Variants in BRAF observed in about 807,000 individuals in gnomAD.
BRAF encodes the protein B-Raf proto-oncogene, serine/threonine kinase, also known as serine/threonine-protein kinase B-raf.
BRAF carries 16 observed loss-of-function variants against 104.6 expected under a neutral mutation model. That is an observed-to-expected ratio of 0.15 (90% CI 0.10 to 0.23). The LOEUF is 0.23. Among genes scored for constraint, BRAF ranks in the 10% least tolerant of loss-of-function variants. The pLI is 1.00. For missense variants in BRAF, 541 were observed against 937.3 expected (o/e 0.58, Z 5.52); for synonymous variants, 310 against 341.6 (o/e 0.91, Z 1.02).
At chr7:140,781,502 A>AT in intron 12 of BRAF, 74 bp downstream of exon 11, 2 of 1,345,076 alleles carry the variant, frequency 1.5e-6, no homozygotes, top group Non-Finnish European at 2.1e-6. Flanking sequence ...CTTTGATGAT[A>AT]TTTTTTACAA....
chr7:140,722,338 T>C lies in BRAF; in HGVS notation c.*4156A>G, dbSNP rs1001218091. Reference sequence around the variant, plus strand: ...GCAGTCTAAATTGCACTCTAAAAATTATTAACACAGCTGAGTTAAACCAGA... The same window carrying C: ...GCAGTCTAAATTGCACTCTAAAAATCATTAACACAGCTGAGTTAAACCAGA... On this transcript the variant is annotated 3_prime_UTR_variant, in exon 20 of 20. Coordinates refer to ENST00000644969, the MANE Select transcript of BRAF (RefSeq NM_001374258.1). The C allele has an allele frequency of 5.6e-5, 59 of 1,055,068 alleles. No homozygotes were observed. Among genetic ancestry groups the C allele is most frequent in the Non-Finnish European group, 6.4e-5 (56 of 872,954 alleles). The allele number at this position is 1,055,068 out of a possible 1,614,324, so 65.4% of individuals were successfully genotyped here.
chr7:140,716,795 A>G (rs1189802608), downstream of BRAF, among the ~76,000 whole-genome samples: 1 of 152,238 alleles, frequency 6.6e-6, no homozygotes, highest in Non-Finnish European at 1.5e-5. Context: ...GTGTTGCAGA[A>G]GAACAGCTGT....
intron 14 of BRAF, among the ~76,000 whole-genome samples, chr7:140,768,637 G>A (rs1007647599): frequency 1.3e-4 from 20 of 152,108 alleles, no homozygotes; most frequent in African/African-American, 4.8e-4. Flanking sequence ...GGGGCTACAG[G>A]AGTGTGCTAC....
chr7:140,815,125 A>G (rs73492596), intron 3 of BRAF, among the ~76,000 whole-genome samples: 22,896 of 151,024 alleles, frequency 0.15, 2,792 homozygotes, highest in African/African-American at 0.35. Context: ...TTTTGGGACT[A>G]TTACATCAAT....
intron 1 of BRAF, among the ~76,000 whole-genome samples, chr7:140,921,520 A>G (rs73502785): frequency 6.6e-6 from 1 of 151,942 alleles, no homozygotes; most frequent in Non-Finnish European, 1.5e-5. Context: ...CTAACACCCC[A>G]AAAAAATGAT....
intron 1 of BRAF, among the ~76,000 whole-genome samples, chr7:140,891,443 A>AAT (rs1814204730): frequency 2.0e-5 from 3 of 152,244 alleles, no homozygotes; most frequent in Admixed American, 1.3e-4. Flanking sequence ...TATAATGACT[A>AAT]ATATAATGTA....
chr7:140,916,283 A>G (rs10241940), intron 1 of BRAF, among the ~76,000 whole-genome samples: 4,340 of 152,334 alleles, frequency 0.028, 210 homozygotes, highest in African/African-American at 0.097. Context: ...TTTAAAACAA[A>G]GTAAAGGGGC....
chr7:140,765,514 C>A (rs1448313703), intron 14 of BRAF, among the ~76,000 whole-genome samples: 1 of 152,036 alleles, frequency 6.6e-6, no homozygotes, highest in Non-Finnish European at 1.5e-5. Context: ...GAACAGGCAA[C>A]CTACAAAATG....
At chr7:140,916,226 T>C (rs573012159) in intron 1 of BRAF, among the ~76,000 whole-genome samples, 1 of 152,342 alleles carries the variant, frequency 6.6e-6, no homozygotes, top group South Asian at 2.1e-4. Flanking sequence ...CATTTTACAC[T>C]GTAGGGATAA....
intron 14 of BRAF, among the ~76,000 whole-genome samples, chr7:140,772,122 C>G (rs892087930): frequency 2.0e-5 from 3 of 152,048 alleles, no homozygotes; most frequent in African/African-American, 4.8e-5. Flanking sequence ...AAACATGAGG[C>G]TGAAATGAGT....
chr7:140,873,274 G>A (rs1011225900), intron 1 of BRAF, among the ~76,000 whole-genome samples: 2 of 149,500 alleles, frequency 1.3e-5, no homozygotes, highest in Non-Finnish European at 2.9e-5. Flanking sequence ...AGATTCAAGC[G>A]ATTCTCCTGT....
intron 19 of BRAF, chr7:140,733,302 A>G (rs1796122768): frequency 6.6e-6 from 1 of 152,184 alleles, no homozygotes. Context: ...ATTTATGCAG[A>G]TATGTGTTTA....
intron 3 of BRAF, among the ~76,000 whole-genome samples, chr7:140,828,236 T>C (rs1188170321): frequency 6.6e-6 from 1 of 152,198 alleles, no homozygotes; most frequent in African/African-American, 2.4e-5. Context: ...TGAAATACTA[T>C]TATTCCTTTA....
intron 14 of BRAF, among the ~76,000 whole-genome samples, chr7:140,763,799 T>TAAA (rs1373482709): frequency 1.3e-5 from 2 of 152,252 alleles, no homozygotes; most frequent in Admixed American, 1.3e-4. Flanking sequence ...ATTGTGGCAG[T>TAAA]AATCAATAGC....
chr7:140,893,988 G>T (rs1323575500), intron 1 of BRAF, among the ~76,000 whole-genome samples: 20 of 152,118 alleles, frequency 1.3e-4, no homozygotes, highest in Admixed American at 1.1e-3. Flanking sequence ...CAAAAAATTA[G>T]CCAGGTGTGG....
At position 140,724,574 on chromosome 7, in the gene BRAF, C is replaced by G. The variant is rs1295781701; in HGVS notation, c.*1920G>C. 9.6e-7 allele frequency: 1 copy of G among 1,040,474 alleles called. No homozygotes were observed. Among genetic ancestry groups the G allele is most frequent in the Non-Finnish European group, 1.2e-6 (1 of 863,540 alleles). The allele number at this position is 1,040,474 out of a possible 1,614,324, so 64.5% of individuals were successfully genotyped here. ...AAGGATCTTTTCCATTTTACTAGGA[C>G]AACCTTTTACAAGACAATGAAAATT... is the stretch of plus-strand genomic sequence containing the variant. On this transcript the variant is annotated 3_prime_UTR_variant, in exon 20 of 20. Coordinates refer to ENST00000644969, the MANE Select transcript of BRAF (RefSeq NM_001374258.1).
At chr7:140,918,837 G>A (rs1424089636) in intron 1 of BRAF, among the ~76,000 whole-genome samples, 1 of 152,156 alleles carries the variant, frequency 6.6e-6, no homozygotes, top group African/African-American at 2.4e-5. Flanking sequence ...ATGCATTAGT[G>A]CAATTTGGAA....
rs967669947 is a variant in BRAF, at chr7:140,856,531, A to C, written c.139-6319T>G. ...CCTAAAGACAACACATATAAAGAAG[A>C]AGCATGAGGAAACTATAAAGACATG... On this transcript the variant is annotated intron_variant, in intron 1 of 19. Transcript: ENST00000644969. 5.3e-5 allele frequency among the ~76,000 whole-genome samples: 8 copies of C among 152,202 alleles called. No individual in the cohort carries two copies. In the South Asian group the frequency reaches 6.2e-4, roughly 12 times the overall value.
chr7:140,759,859 C>T (rs1258803922), intron 14 of BRAF, among the ~76,000 whole-genome samples: 1 of 152,152 alleles, frequency 6.6e-6, no homozygotes, highest in East Asian at 1.9e-4. Flanking sequence ...TGTTAAAATG[C>T]AGTCTTTGAT....
Sources: allele counts gnomAD v4.1 joint callset (sites outside exome capture counted in the v4.1 genomes callset), GRCh38; gene constraint gnomAD v4.1.1; transcripts MANE v1.5; gene names NCBI Gene and HGNC (gene_info 2026-07-23, HGNC 2026-07-21).